The following LAMA2 variants were observed in gnomAD, a reference collection of about 807,000 sequenced individuals.
The protein encoded by LAMA2 is laminin subunit alpha 2.
In LAMA2, 269 loss-of-function variants were observed where a neutral mutation model predicts 364.8. That is an observed-to-expected ratio of 0.74 (90% CI 0.67 to 0.82). The LOEUF (loss-of-function observed/expected upper bound fraction) is 0.82. Among genes scored for constraint, LAMA2 ranks in the 40% least tolerant of loss-of-function variants. LAMA2 has a pLI of 0.00. For synonymous variants in LAMA2, 1,379 were observed against 1,370.6 expected (o/e 1.01, Z -0.14); for missense variants, 3,807 against 3,873.2 (o/e 0.98, Z 0.45).
intron 12 of LAMA2, among the ~76,000 whole-genome samples, chr6:129,237,496 C>G (rs1041892806): frequency 1.3e-5 from 2 of 151,774 alleles, no homozygotes; most frequent in Non-Finnish European, 2.9e-5. Context: ...CCACCATGCC[C>G]AGCTAATTTT....
intron 16 of LAMA2, among the ~76,000 whole-genome samples, chr6:129,269,215 G>A (rs924011110): frequency 3.3e-5 from 5 of 152,024 alleles, no homozygotes; most frequent in Admixed American, 1.3e-4. Context: ...TTTGAAGTAA[G>A]CCAGGAAGTA....
chr6:129,046,757 T>C (rs1787537417), intron 1 of LAMA2, among the ~76,000 whole-genome samples: 2 of 152,214 alleles, frequency 1.3e-5, no homozygotes, highest in Non-Finnish European at 2.9e-5. Flanking sequence ...ATCATTTACA[T>C]AAGCTTTCAG....
intron 1 of LAMA2, among the ~76,000 whole-genome samples, chr6:129,035,340 C>T (rs1434730545): frequency 6.8e-6 from 1 of 147,062 alleles, no homozygotes; most frequent in Non-Finnish European, 1.5e-5. Context: ...ATTTCCTTTG[C>T]CCACTTTTAA....
intron 1 of LAMA2, among the ~76,000 whole-genome samples, chr6:128,938,670 C>T (rs988159082): frequency 6.6e-6 from 1 of 152,056 alleles, no homozygotes; most frequent in Non-Finnish European, 1.5e-5. Context: ...GAGAAGTATT[C>T]TTTCTCTTAC....
chr6:129,323,148 A>C (rs916944569), intron 28 of LAMA2, among the ~76,000 whole-genome samples: 4 of 152,188 alleles, frequency 2.6e-5, no homozygotes. Flanking sequence ...CTTATTTATA[A>C]TTCATCTTGA....
chr6:129,279,032 G>A (rs767786357), intron 17 of LAMA2, among the ~76,000 whole-genome samples: 2 of 152,194 alleles, frequency 1.3e-5, no homozygotes, highest in Non-Finnish European at 2.9e-5. Flanking sequence ...TTGTTGTTAT[G>A]TCTTTAATTC....
chr6:128,925,681 T>C (rs1779043654), intron 1 of LAMA2, among the ~76,000 whole-genome samples: 1 of 152,238 alleles, frequency 6.6e-6, no homozygotes, highest in African/African-American at 2.4e-5. Context: ...TATTTTACAA[T>C]ACTTTAAAAT....
intron 42 of LAMA2, 88 bp from the exon 43 acceptor site, chr6:129,440,728 C>T: frequency 8.4e-7 from 1 of 1,185,480 alleles, no homozygotes; most frequent in Non-Finnish European, 1.3e-6. Flanking sequence ...CCGAGGTCAG[C>T]CAGCCACAGC....
chr6:129,139,950 C>A (rs975212207), intron 4 of LAMA2, among the ~76,000 whole-genome samples: 1 of 152,054 alleles, frequency 6.6e-6, no homozygotes, highest in African/African-American at 2.4e-5. Context: ...CAACTTCATC[C>A]ACTTCTGCTA....
chr6:128,904,338 T>G (rs1777279845), intron 1 of LAMA2, among the ~76,000 whole-genome samples: 1 of 152,190 alleles, frequency 6.6e-6, no homozygotes, highest in Non-Finnish European at 1.5e-5. Context: ...AATAAGCATT[T>G]TTAATTCTAC....
intron 3 of LAMA2, among the ~76,000 whole-genome samples, chr6:129,069,112 A>T (rs78099448): frequency 1.1e-3 from 161 of 150,894 alleles, no homozygotes; most frequent in South Asian, 3.5e-3. Context: ...TTGTTTATTT[A>T]AAAAAAAAGA....
intron 3 of LAMA2, among the ~76,000 whole-genome samples, chr6:129,074,481 A>G (rs1773505850): frequency 6.6e-6 from 1 of 152,166 alleles, no homozygotes; most frequent in Non-Finnish European, 1.5e-5. Context: ...GTACCCTGAG[A>G]GGAAAATGGC....
In LAMA2 at chr6:129,266,004, G is replaced by C. The variant is rs965428682; in HGVS notation, c.2209-1102G>C. Among the ~76,000 whole-genome samples, 2 of 152,070 alleles carry C rather than the reference G, an allele frequency of 1.3e-5. 1 individual carries two copies. The highest frequency in any genetic ancestry group is 6.8e-3 in the Middle Eastern group (2 of 294). On this transcript the variant is annotated intron_variant, in intron 15 of 64. Transcript: ENST00000421865. ...TCATTATTGATGTTCAAATTTGAGA[G>C]TCCTCATATCCTGAGGCAGAAGGAA...
chr6:128,961,385 A>G (rs1444505541), intron 1 of LAMA2, among the ~76,000 whole-genome samples: 2 of 107,772 alleles, frequency 1.9e-5, no homozygotes, highest in Non-Finnish European at 3.8e-5. Flanking sequence ...ATTAAGTATT[A>G]ACTTATACGA....
In LAMA2 at chr6:129,122,028, G is replaced by A. The variant is rs563991204; in HGVS notation, c.640-21873G>A. Reference sequence around the variant, plus strand: ...TTACAGCTCACTCTTAAAATTATGTGAAAAAAGATCATTAAATGTTTTAGA... The same window carrying A: ...TTACAGCTCACTCTTAAAATTATGTAAAAAAAGATCATTAAATGTTTTAGA... On this transcript the variant is annotated intron_variant, in intron 4 of 64. Coordinates refer to ENST00000421865, the MANE Select transcript of LAMA2 (RefSeq NM_000426.4). Among the ~76,000 whole-genome samples the A allele has an allele frequency of 5.3e-5, 8 of 152,068 alleles. No individual in the cohort carries two copies. The South Asian group carries it at 1.2e-3, about 24-fold the overall frequency.
At chr6:129,144,793 A>G (rs1281633600) in intron 5 of LAMA2, among the ~76,000 whole-genome samples, 1 of 152,068 alleles carries the variant, frequency 6.6e-6, no homozygotes, top group East Asian at 1.9e-4. Flanking sequence ...TATTAGGGGA[A>G]AAAGTTTAAA....
intron 12 of LAMA2, among the ~76,000 whole-genome samples, chr6:129,197,572 T>C (rs1421492798): frequency 6.6e-6 from 1 of 152,194 alleles, no homozygotes; most frequent in Non-Finnish European, 1.5e-5. Flanking sequence ...TTCGTCTCCC[T>C]AAAATATATA....
At chr6:129,109,091 T>C (rs1196546988) in intron 4 of LAMA2, among the ~76,000 whole-genome samples, 1 of 152,078 alleles carries the variant, frequency 6.6e-6, no homozygotes, top group Non-Finnish European at 1.5e-5. Context: ...CCAGGCATGG[T>C]TATGGAGCCT....
At chr6:129,228,810 A>G (rs747545402) in intron 12 of LAMA2, among the ~76,000 whole-genome samples, 1 of 152,212 alleles carries the variant, frequency 6.6e-6, no homozygotes, top group Non-Finnish European at 1.5e-5. Context: ...CTGTGGCTCT[A>G]ACTGTCCTGA....
Sources: gnomAD v4.1 joint callset for allele counts (sites outside exome capture counted in the v4.1 genomes callset) on GRCh38, gnomAD v4.1.1 for gene constraint, MANE v1.5 for transcripts, NCBI Gene and HGNC (gene_info 2026-07-23, HGNC 2026-07-21) for gene names.